SRGAP3: variants seen among roughly 807,000 people sequenced by gnomAD.
The protein encoded by SRGAP3 is SLIT-ROBO Rho GTPase-activating protein 3.
A neutral mutation model predicts 121.1 loss-of-function variants in SRGAP3; 39 were observed. That is an observed-to-expected ratio of 0.32 (90% confidence interval 0.25 to 0.42). The LOEUF (loss-of-function observed/expected upper bound fraction) is 0.42, where lower values mean the gene tolerates loss of function less well. Among genes scored for constraint, SRGAP3 ranks in the 10% least tolerant of loss-of-function variants. SRGAP3 has a pLI of 1.00. For synonymous variants in SRGAP3, 601 were observed against 570.0 expected, an observed-to-expected ratio of 1.05 and a Z score of -0.77; for missense variants, 1,213 against 1,470.6, an observed-to-expected ratio of 0.82 and a Z score of 2.86.
At chr3:9,232,524 C>T (rs1277008010) in intron 1 of SRGAP3, among the ~76,000 whole-genome samples, 1 of 152,168 alleles carries the variant, frequency 6.6e-6, no homozygotes, top group South Asian at 2.1e-4. Context: ...AACTGTAATA[C>T]ATACACACAC....
chr3:9,104,282 A>G (rs1168330048), intron 3 of SRGAP3, among the ~76,000 whole-genome samples: 1 of 152,188 alleles, frequency 6.6e-6, no homozygotes, highest in East Asian at 1.9e-4. Context: ...CTCTCAGAAA[A>G]TGCATTTGCG....
At chr3:9,348,389 T>G (rs535516409) in intron 1 of SRGAP3, 478 of 528,344 alleles carry the variant, frequency 9.0e-4, no homozygotes, top group Non-Finnish European at 1.5e-3. Context: ...AAAAGACAAA[T>G]GTGCCTCCAG....
In SRGAP3 at chr3:8,992,920, C is replaced by G. The variant is rs142852915; in HGVS notation, c.2544G>C (p.Gly848=). 1.7e-5 allele frequency: 27 copies of G among 1,614,106 alleles called. No homozygotes were observed. Among genetic ancestry groups the G allele is most frequent in the African/African-American group, 1.2e-4 (9 of 74,940 alleles). ...PTEHISDYGF[G]GVMGRVRLRS... ...GCATATCCTACCGGCCCATCACCCC[C>G]CCAAAGCCGTAATCCGAGATGTGCT... The change falls in exon 20 of 22, where the codon GGG becomes GGC. Residue 848 remains glycine (G), a synonymous_variant. Transcript: ENST00000383836.
chr3:9,177,817 AC>A (rs1951233121), intron 1 of SRGAP3, among the ~76,000 whole-genome samples: 1 of 152,092 alleles, frequency 6.6e-6, no homozygotes. Flanking sequence ...AGACCATGTG[AC>A]CCTGGTCTGG....
chr3:9,010,371 C>T lies in SRGAP3; in HGVS notation c.2164G>A (p.Glu722Lys), dbSNP rs763116513. ...TCAACTTCATCGATGGCCCCTGGCT[C>T]GCTGTGTGGGCTGTCACTGCAAGGA... ...GEEYCDSPHS[E>K]PGAIDEVDHD... The change falls in exon 18 of 22, where the codon GAG becomes AAG. Residue 722 changes from glutamate (E) to lysine (K), a missense_variant. Glu to Lys is a moderately conservative substitution (Grantham distance 56). This residue lies in a region of SRGAP3 where 793 missense variants were observed against 1,032.9 expected (regional missense o/e 0.77). Coordinates refer to ENST00000383836, the MANE Select transcript of SRGAP3 (RefSeq NM_014850.4). 6.2e-7 allele frequency: 1 copy of T among 1,614,088 alleles called. No individual in the cohort carries two copies. Among genetic ancestry groups the T allele is most frequent in the Non-Finnish European group, 8.5e-7 (1 of 1,180,022 alleles).
At chr3:9,124,701 G>T (rs1332440443) in intron 2 of SRGAP3, 24 bp downstream of exon 2, 1 of 1,613,460 alleles carries the variant, frequency 6.2e-7, no homozygotes, top group African/African-American at 1.3e-5. Flanking sequence ...TCCCATCTCT[G>T]TGCACCCATA....
chr3:9,025,835 G>A (rs1383514272), intron 13 of SRGAP3, among the ~76,000 whole-genome samples: 1 of 152,154 alleles, frequency 6.6e-6, no homozygotes, highest in Non-Finnish European at 1.5e-5. Flanking sequence ...TCATCTTAAT[G>A]AGAATTAATG....
At chr3:9,332,606 T>C (rs1292793181) in intron 1 of SRGAP3, among the ~76,000 whole-genome samples, 1 of 152,218 alleles carries the variant, frequency 6.6e-6, no homozygotes, top group African/African-American at 2.4e-5. Context: ...AAAAAAAGAA[T>C]GTCAAGAGAG....
At chr3:8,991,412 G>A (rs993517272) in intron 20 of SRGAP3, among the ~76,000 whole-genome samples, 9 of 152,170 alleles carry the variant, frequency 5.9e-5, no homozygotes, top group Non-Finnish European at 1.2e-4. Context: ...AGTCATTCAA[G>A]AGTAAACACT....
intron 3 of SRGAP3, among the ~76,000 whole-genome samples, chr3:9,082,270 T>C (rs574170555): frequency 8.6e-4 from 131 of 152,332 alleles, no homozygotes; most frequent in African/African-American, 3.0e-3. Context: ...CCTGCAGAAC[T>C]GTGAGCCAAT....
chr3:9,255,587 C>T (rs1166982452), intron 3 of SRGAP3, among the ~76,000 whole-genome samples: 1 of 152,156 alleles, frequency 6.6e-6, no homozygotes, highest in African/African-American at 2.4e-5. Context: ...TCGCTGGAGC[C>T]AGGGGTGTTC....
chr3:9,048,867 G>A (rs1339261005), intron 9 of SRGAP3, among the ~76,000 whole-genome samples: 1 of 152,154 alleles, frequency 6.6e-6, no homozygotes, highest in East Asian at 1.9e-4. Context: ...ACAGTGGACT[G>A]GAAGTCTAGA....
In SRGAP3 at chr3:9,029,007, A is replaced by C. The variant is rs111690463; in HGVS notation, c.1540-2012T>G. 9.8e-3 allele frequency among the ~76,000 whole-genome samples: 1,488 copies of C among 152,196 alleles called. 12 individuals carry two copies. The highest frequency in any genetic ancestry group is 0.033 in the African/African-American group (1,390 of 41,518). On this transcript the variant is annotated intron_variant, in intron 12 of 21. Coordinates refer to ENST00000383836, the MANE Select transcript of SRGAP3 (RefSeq NM_014850.4). The stretch of plus-strand genomic sequence containing the variant: ...TCTGGGGTGAGCACTTGTCCCATCC[A>C]GGCTCCTGGAGGATGTGTGCCTTCT...
chr3:8,995,377 G>A (rs192028514), intron 18 of SRGAP3, among the ~76,000 whole-genome samples: 53 of 152,266 alleles, frequency 3.5e-4, no homozygotes, highest in African/African-American at 1.1e-3. Flanking sequence ...TCTAGGGCCC[G>A]AGGCAGGAAG....
rs528623877 is a variant in SRGAP3 at position 8,981,256 on chromosome 3, G to A, written c.*4263C>T. ...AGAACCGGGGAAGTTGACATGAAAT[G>A]TCAGCATTAGCTCTGCACAGCAGAA... On this transcript the variant is annotated 3_prime_UTR_variant, in exon 22 of 22. Transcript: ENST00000383836. 65 of 232,968 alleles carry A rather than the reference G, an allele frequency of 2.8e-4. 1 individual carries two copies. The highest frequency in any genetic ancestry group is 1.4e-3 in the African/African-American group (64 of 45,458). The allele number at this position is 232,968 out of a possible 1,614,324, so 14.4% of individuals were successfully genotyped here.
Position 9,323,579 on chromosome 3 carries a change from G to A in SRGAP3, n.442+2431C>T, listed in dbSNP as rs558496449. Among the ~76,000 whole-genome samples the A allele has an allele frequency of 2.6e-5, 4 of 151,884 alleles. No homozygotes were observed. The South Asian group carries it at 6.2e-4, about 24-fold the overall frequency. On this transcript the variant is annotated intron_variant and non_coding_transcript_variant, in intron 3 of 3. Coordinates refer to the SRGAP3 transcript ENST00000490889. ...AAGATTCAGGTCTAGTAGCAGGTAT[G>A]AGCTGGTGTCTTGATCTCTGGGATC... is the stretch of plus-strand genomic sequence containing the variant.
intron 1 of SRGAP3, among the ~76,000 whole-genome samples, chr3:9,200,872 T>G (rs1430279165): frequency 3.3e-5 from 5 of 152,046 alleles, no homozygotes; most frequent in African/African-American, 1.2e-4. Flanking sequence ...TGACACACAC[T>G]CTCATTTAAA....
chr3:9,266,164 T>C (rs890738619), intron 3 of SRGAP3, among the ~76,000 whole-genome samples: 3 of 151,638 alleles, frequency 2.0e-5, no homozygotes, highest in African/African-American at 7.3e-5. Context: ...TAAGTGGGAG[T>C]TGAACAATGA....
At chr3:9,299,384 AAAG>A (rs895222855) in intron 3 of SRGAP3, among the ~76,000 whole-genome samples, 186 of 151,794 alleles carry the variant, frequency 1.2e-3, no homozygotes, top group African/African-American at 4.1e-3. Context: ...AAAGAAAAGA[AAAG>A]AAAAGAAACT....
Sources: gnomAD v4.1 joint callset for allele counts (sites outside exome capture counted in the v4.1 genomes callset) on GRCh38, gnomAD v4.1.1 for gene constraint, gnomAD v4.1.1 regional missense constraint, MANE v1.5 for transcripts, NCBI Gene and HGNC (gene_info 2026-07-23, HGNC 2026-07-21) for gene names.